The following SOX6 variants were observed in gnomAD, a reference collection of about 807,000 sequenced individuals.
SOX6 encodes transcription factor SOX-6.
Under a neutral mutation model 97.8 loss-of-function variants are expected in SOX6, and 11 were observed. The observed-to-expected ratio is 0.11, with a 90% CI of 0.07 to 0.19. The LOEUF is 0.19. Ranked by LOEUF, SOX6 falls within the 10% of genes least tolerant of loss-of-function variation. The pLI is 1.00. For synonymous variants in SOX6, 360 were observed against 371.4 expected (o/e 0.97, Z 0.35); for missense variants, 810 against 1,039.5 (o/e 0.78, Z 3.04).
At position 16,605,234 on chromosome 11, in the gene SOX6, C is replaced by CGCGGGGCGGGGAAGAA. The variant is rs1388014992; in HGVS notation, n.609+6831_609+6846dup. 6.6e-6 allele frequency among the ~76,000 whole-genome samples: 1 copy of CGCGGGGCGGGGAAGAA among 151,980 alleles called. No individual in the cohort carries two copies. Among genetic ancestry groups the CGCGGGGCGGGGAAGAA allele is most frequent in the Non-Finnish European group, 1.5e-5 (1 of 67,968 alleles). Reference sequence around the variant, plus strand: ...GGAGGGCGCCGGCTGGGCTCAGGGACGCGGGGCGGGGAAGAAACGTGCCGG... The same window carrying CGCGGGGCGGGGAAGAA: ...GGAGGGCGCCGGCTGGGCTCAGGGACGCGGGGCGGGGAAGAAGCGGGGCGGGGAAGAAACGTGCCGG... On this transcript the variant is annotated intron_variant and non_coding_transcript_variant, in intron 4 of 5. Coordinates refer to the SOX6 transcript ENST00000524520. The surrounding 1 kb of genome is among the most constrained non-coding windows in gnomAD (Gnocchi z 5.3).
At chr11:16,048,269 A>G (rs532669134) in intron 11 of SOX6, among the ~76,000 whole-genome samples, 4 of 152,274 alleles carry the variant, frequency 2.6e-5, no homozygotes, top group African/African-American at 9.6e-5. Flanking sequence ...ATTTAATTCT[A>G]TCTTCTATAT....
At chr11:15,976,082 C>A (rs916190003) in intron 15 of SOX6, among the ~76,000 whole-genome samples, 1 of 152,088 alleles carries the variant, frequency 6.6e-6, no homozygotes, top group Non-Finnish European at 1.5e-5. Flanking sequence ...AGGGTAAAAA[C>A]CCAGGGGTTA....
chr11:16,323,084 A>G (rs1428504355), intron 2 of SOX6, among the ~76,000 whole-genome samples: 1 of 152,130 alleles, frequency 6.6e-6, no homozygotes, highest in Non-Finnish European at 1.5e-5. Flanking sequence ...GCCCCACCAA[A>G]CCTAACAGTG....
At chr11:16,619,093 C>T (rs1169865686) in intron 3 of SOX6, among the ~76,000 whole-genome samples, 1 of 151,930 alleles carries the variant, frequency 6.6e-6, no homozygotes, top group East Asian at 1.9e-4. Flanking sequence ...ACTACTACAT[C>T]ACCATTGTGA....
chr11:16,737,791 G>A (rs1012950827), intron 1 of SOX6, among the ~76,000 whole-genome samples: 3 of 152,154 alleles, frequency 2.0e-5, no homozygotes, highest in Non-Finnish European at 2.9e-5. Flanking sequence ...AAACTTCTTG[G>A]AATCAGAGGT....
chr11:16,165,580 A>G (rs1162647431), intron 6 of SOX6, among the ~76,000 whole-genome samples: 1 of 152,298 alleles, frequency 6.6e-6, no homozygotes. Context: ...TTCAAAAACT[A>G]TAGTAAAGTT....
At chr11:16,500,078 C>A (rs1860676860) in intron 4 of SOX6, among the ~76,000 whole-genome samples, 1 of 152,100 alleles carries the variant, frequency 6.6e-6, no homozygotes, top group South Asian at 2.1e-4. Flanking sequence ...ACTGGAAAAC[C>A]AAATCCAGCA....
chr11:16,586,970 G>T (rs181111600), intron 4 of SOX6, among the ~76,000 whole-genome samples: 10 of 152,312 alleles, frequency 6.6e-5, no homozygotes, highest in Admixed American at 6.5e-4. Context: ...TGGGATCAGA[G>T]CTATACAAAG....
At chr11:16,138,272 G>A (rs1392309246) in intron 6 of SOX6, among the ~76,000 whole-genome samples, 5 of 152,116 alleles carry the variant, frequency 3.3e-5, no homozygotes, top group Admixed American at 2.6e-4. Flanking sequence ...ATTCAGTGGG[G>A]CATCATTTTG....
chr11:16,067,263 T>C (rs111940270), intron 9 of SOX6, among the ~76,000 whole-genome samples: 1 of 152,066 alleles, frequency 6.6e-6, no homozygotes, highest in Non-Finnish European at 1.5e-5. Flanking sequence ...AATAATATGG[T>C]TTTGTTGTGT....
intron 3 of SOX6, among the ~76,000 whole-genome samples, chr11:16,626,077 C>T (rs867780042): frequency 1.1e-4 from 17 of 152,266 alleles, no homozygotes; most frequent in Middle Eastern, 3.4e-3. Context: ...CTGATATAAT[C>T]TCTAGGTAGA....
intron 4 of SOX6, among the ~76,000 whole-genome samples, chr11:16,229,924 A>G (rs973235504): frequency 2.9e-4 from 44 of 151,982 alleles, no homozygotes; most frequent in African/African-American, 1.0e-3. Flanking sequence ...TAAAAAATTA[A>G]CAAAAGTAAT....
At chr11:16,513,182 A>G (rs1163590798) in intron 4 of SOX6, among the ~76,000 whole-genome samples, 8 of 152,372 alleles carry the variant, frequency 5.3e-5, no homozygotes, top group African/African-American at 1.9e-4. Context: ...TGGCAGTAGT[A>G]TGTGGTGGTT....
chr11:16,389,630 G>A (rs749101221), intron 1 of SOX6, among the ~76,000 whole-genome samples: 94 of 151,792 alleles, frequency 6.2e-4, no homozygotes, highest in Non-Finnish European at 1.1e-3. Context: ...ACTATGCTGT[G>A]GAGACTCTAG....
chr11:15,975,854 G>A (rs12278308), intron 15 of SOX6, among the ~76,000 whole-genome samples: 34,785 of 152,036 alleles, frequency 0.23, 4,497 homozygotes, highest in South Asian at 0.34. Flanking sequence ...AATTTAAATC[G>A]GAATCAAAAT....
intron 2 of SOX6, among the ~76,000 whole-genome samples, chr11:16,328,244 C>G (rs1268590391): frequency 6.6e-6 from 1 of 152,116 alleles, no homozygotes; most frequent in Admixed American, 6.6e-5. Flanking sequence ...CTAAGACGTT[C>G]TATGGTTCAC....
rs1458740358 is a variant in SOX6 at position 16,032,330 on chromosome 11, AT to A, written c.1623+14183del. Among the ~76,000 whole-genome samples, 3 of 152,224 alleles carry A rather than the reference AT, an allele frequency of 2.0e-5. No individual in the cohort carries two copies. The East Asian group carries it at 5.8e-4, about 29-fold the overall frequency. ...ATTTGTTAGTCTATAATGGGGGCTAATAAAAGATATCAATAATCTTTACCTC... is the reference window on the plus strand; with the variant it reads ...ATTTGTTAGTCTATAATGGGGGCTAAAAAAGATATCAATAATCTTTACCTC... On this transcript the variant is annotated intron_variant, in intron 12 of 15. Transcript: ENST00000683767.
At chr11:16,418,568 G>T (rs932863730) in intron 1 of SOX6, among the ~76,000 whole-genome samples, 29 of 152,128 alleles carry the variant, frequency 1.9e-4, no homozygotes, top group African/African-American at 6.3e-4. Context: ...GCTCGAGGCC[G>T]ACTTCAATCT....
At chr11:16,106,363 T>C (rs1452614123) in intron 7 of SOX6, among the ~76,000 whole-genome samples, 2 of 151,828 alleles carry the variant, frequency 1.3e-5, no homozygotes, top group African/African-American at 2.4e-5. Flanking sequence ...TATATACATA[T>C]GTGTGTGTGT....
Sources: gnomAD v4.1 joint callset for allele counts (sites outside exome capture counted in the v4.1 genomes callset) on GRCh38, gnomAD v4.1.1 for gene constraint, Gnocchi (gnomAD v3.1) non-coding constraint, MANE v1.5 for transcripts, NCBI Gene and HGNC (gene_info 2026-07-23, HGNC 2026-07-21) for gene names.